PRELID2: variants seen among roughly 807,000 people sequenced by gnomAD.
The protein encoded by PRELID2 is PRELI domain-containing protein 2.
A neutral mutation model predicts 28.4 loss-of-function variants in PRELID2; 25 were observed. That is an observed-to-expected ratio of 0.88 (90% CI 0.64 to 1.23). The LOEUF is 1.23. PRELID2 is among the 50% of genes most tolerant of loss of function. The probability of loss-of-function intolerance (pLI) is 0.00; values close to 1 mark genes in which losing one functional copy is unlikely to be tolerated. For synonymous variants in PRELID2, 76 were observed against 71.6 expected, an observed-to-expected ratio of 1.06 and a Z score of -0.31; for missense variants, 201 against 214.4, an observed-to-expected ratio of 0.94 and a Z score of 0.39.
At chr5:145,743,112 T>C (rs1288172141) in intron 1 of PRELID2, among the ~76,000 whole-genome samples, 1 of 152,014 alleles carries the variant, frequency 6.6e-6, no homozygotes, top group African/African-American at 2.4e-5. Flanking sequence ...TAGAGGCTCC[T>C]ATGCAAAAGA....
At chr5:145,382,982 A>G in the PRELID2 span, among the ~76,000 whole-genome samples, 2 of 151,968 alleles carry the variant, frequency 1.3e-5, no homozygotes, top group Admixed American at 1.3e-4. Context: ...ATTTTAAAAT[A>G]CCTAAATAAA....
At chr5:145,236,667 T>A in the PRELID2 span, among the ~76,000 whole-genome samples, 1 of 152,128 alleles carries the variant, frequency 6.6e-6, no homozygotes, top group Non-Finnish European at 1.5e-5. Context: ...CTCTTTTTAC[T>A]TCCTTTTTTC....
At chr5:145,229,794 CAT>C in the PRELID2 span, 2 of 758,512 alleles carry the variant, frequency 2.6e-6, no homozygotes, top group Non-Finnish European at 4.8e-6. Flanking sequence ...CAGTTTCTGA[CAT>C]AGCCCTGAGT....
At chr5:145,460,867 C>T in the PRELID2 span, among the ~76,000 whole-genome samples, 1 of 152,132 alleles carries the variant, frequency 6.6e-6, no homozygotes, top group Non-Finnish European at 1.5e-5. Flanking sequence ...TATGTGTTTA[C>T]TTAAATAAAC....
the PRELID2 span, among the ~76,000 whole-genome samples, chr5:145,353,614 C>T: frequency 6.6e-6 from 1 of 152,136 alleles, no homozygotes; most frequent in Non-Finnish European, 1.5e-5. Flanking sequence ...TCCTTCATCA[C>T]ATGATGTTAG....
At chr5:145,570,229 G>A (rs989233944) in intron 1 of PRELID2, among the ~76,000 whole-genome samples, 1 of 152,080 alleles carries the variant, frequency 6.6e-6, no homozygotes, top group Non-Finnish European at 1.5e-5. Flanking sequence ...GGCACTGGGG[G>A]TTAGGACATC....
In PRELID2 at chr5:145,533,501, A is replaced by G. The variant is rs142852925; in HGVS notation, n.71-60186T>C. On this transcript the variant is annotated intron_variant and non_coding_transcript_variant, in intron 1 of 2. Coordinates refer to the PRELID2 transcript ENST00000510259. ...CTCTCTTTGAGCAGACCAAAAATAG[A>G]CACTTTACTGGGTATTACATGCTTT... Among the ~76,000 whole-genome samples, 1,168 of 152,162 alleles carry G rather than the reference A, an allele frequency of 7.7e-3. 21 individuals carry two copies. The highest frequency in any genetic ancestry group is 0.027 in the African/African-American group (1,119 of 41,556).
intron 1 of PRELID2, among the ~76,000 whole-genome samples, chr5:145,575,856 T>C (rs940442441): frequency 5.9e-5 from 9 of 152,090 alleles, no homozygotes; most frequent in Non-Finnish European, 1.0e-4. Flanking sequence ...CCACCTTGCA[T>C]CACTCCTTTT....
rs147411668 is a variant in PRELID2 at position 145,589,130 on chromosome 5, TTCTC to T, written n.71-115819_71-115816del. On this transcript the variant is annotated intron_variant and non_coding_transcript_variant, in intron 1 of 2. Coordinates refer to the PRELID2 transcript ENST00000510259. Reference sequence around the variant, plus strand: ...TACCTACTGCACAAACAGTTTAAAATTCTCTGTGTGCCTAACCTTAATTTTCAAT... The same window carrying T: ...TACCTACTGCACAAACAGTTTAAAATTGTGTGCCTAACCTTAATTTTCAAT... 5.1e-3 allele frequency among the ~76,000 whole-genome samples: 781 copies of T among 152,260 alleles called. 8 individuals are homozygous for T. The highest frequency in any genetic ancestry group is 0.018 in the African/African-American group (743 of 41,570).
the PRELID2 span, among the ~76,000 whole-genome samples, chr5:145,380,016 C>T: frequency 6.6e-6 from 1 of 152,096 alleles, no homozygotes. Flanking sequence ...CAAGTCAATG[C>T]TAGGGGGACG....
intron 1 of PRELID2, among the ~76,000 whole-genome samples, chr5:145,740,738 TATAA>T (rs927356930): frequency 6.8e-5 from 8 of 117,424 alleles, no homozygotes; most frequent in African/African-American, 1.7e-4. Context: ...AAATATTATA[TATAA>T]ATATATTATA....
intron 1 of PRELID2, among the ~76,000 whole-genome samples, chr5:145,697,588 C>T (rs1448992515): frequency 6.6e-6 from 1 of 152,188 alleles, no homozygotes; most frequent in East Asian, 1.9e-4. Flanking sequence ...ACAACAGAGA[C>T]TCTATGGCCT....
At chr5:145,489,535 T>C (rs1158641730) in intron 1 of PRELID2, among the ~76,000 whole-genome samples, 1 of 152,186 alleles carries the variant, frequency 6.6e-6, no homozygotes, top group African/African-American at 2.4e-5. Context: ...AGAGCCACAA[T>C]CAGTACCTGG....
the PRELID2 span, among the ~76,000 whole-genome samples, chr5:145,438,133 T>A: frequency 6.6e-6 from 1 of 152,130 alleles, no homozygotes; most frequent in African/African-American, 2.4e-5. Flanking sequence ...GTTCACAAAT[T>A]GATTCTGCCT....
chr5:145,380,664 T>TTA, the PRELID2 span, among the ~76,000 whole-genome samples: 1 of 152,218 alleles, frequency 6.6e-6, no homozygotes, highest in African/African-American at 2.4e-5. Context: ...GGTTTGCTCT[T>TTA]TAGACTTCAT....
chr5:145,569,889 C>T (rs140946468), intron 1 of PRELID2, among the ~76,000 whole-genome samples: 16 of 152,214 alleles, frequency 1.1e-4, no homozygotes, highest in African/African-American at 3.6e-4. Flanking sequence ...TGTTAGTTTG[C>T]TAGGGCTGCT....
intron 4 of PRELID2, among the ~76,000 whole-genome samples, chr5:145,802,721 T>C (rs1054897719): frequency 1.3e-5 from 2 of 152,144 alleles, no homozygotes; most frequent in Non-Finnish European, 2.9e-5. Context: ...GTCCACTTAG[T>C]GGGTGTGATT....
chr5:145,500,153 T>A (rs367792420), intron 1 of PRELID2, among the ~76,000 whole-genome samples: 3 of 152,282 alleles, frequency 2.0e-5, no homozygotes, highest in South Asian at 4.1e-4. Flanking sequence ...CAAAATCTCA[T>A]ATGGAATTAT....
intron 1 of PRELID2, among the ~76,000 whole-genome samples, chr5:145,499,642 G>A (rs1030927353): frequency 2.0e-5 from 3 of 152,278 alleles, no homozygotes; most frequent in Admixed American, 1.3e-4. Flanking sequence ...TGCAGGGCCT[G>A]AGGGAAGCTG....
Sources: gnomAD v4.1 joint callset for allele counts (sites outside exome capture counted in the v4.1 genomes callset) on GRCh38, gnomAD v4.1.1 for gene constraint, MANE v1.5 for transcripts, NCBI Gene and HGNC (gene_info 2026-07-23, HGNC 2026-07-21) for gene names.